The following GAS2 variants were observed in gnomAD, a reference collection of about 807,000 sequenced individuals.
GAS2 encodes the protein growth arrest specific 2.
A neutral mutation model predicts 37.5 loss-of-function variants in GAS2; 20 were observed. That is an observed-to-expected ratio of 0.53 (90% CI 0.37 to 0.77). GAS2 has a LOEUF of 0.77. GAS2 is among the 30% of genes least tolerant of loss of function. The pLI is 0.00. For missense variants in GAS2, 336 were observed against 373.4 expected, an observed-to-expected ratio of 0.90 and a Z score of 0.82; for synonymous variants, 144 against 132.2, an observed-to-expected ratio of 1.09 and a Z score of -0.61.
chr11:22,800,952 A>T (rs1352895678), intron 7 of GAS2, among the ~76,000 whole-genome samples: 2 of 151,632 alleles, frequency 1.3e-5, no homozygotes, highest in Non-Finnish European at 2.9e-5. Context: ...ATAAATGCAT[A>T]TTTTTTTCTG....
In GAS2 at chr11:22,812,427, GCTTT is replaced by G. The variant is rs1383812832; in HGVS notation, c.*412_*415del. Reference sequence around the variant, plus strand: ...ATTTTTATAATTGCAAGATTTTTATGCTTTTTTTTTTTTTTTTTTACAAAATGAT... The same window carrying G: ...ATTTTTATAATTGCAAGATTTTTATGTTTTTTTTTTTTTTTACAAAATGAT... On this transcript the variant is annotated 3_prime_UTR_variant, in exon 8 of 8. Coordinates refer to ENST00000454584, the MANE Select transcript of GAS2 (RefSeq NM_001143830.3). 829 of 46,358 alleles carry G rather than the reference GCTTT, an allele frequency of 0.018. 12 individuals are homozygous for G. The highest frequency in any genetic ancestry group is 0.059 in the African/African-American group (776 of 13,172). 2.9% of individuals were successfully genotyped at this position (46,358 alleles called of 1,614,324 possible). A position where few individuals can be genotyped will look rare whatever the true frequency, so the allele number is the denominator to read the frequency against.
intron 5 of GAS2, among the ~76,000 whole-genome samples, chr11:22,739,732 C>T (rs1852970383): frequency 6.6e-6 from 1 of 151,630 alleles, no homozygotes; most frequent in Admixed American, 6.6e-5. Context: ...AGAGAACAGA[C>T]AAAAAACTTT....
intron 3 of GAS2, among the ~76,000 whole-genome samples, chr11:22,695,345 T>C (rs1446395365): frequency 6.6e-6 from 1 of 151,996 alleles, no homozygotes; most frequent in Non-Finnish European, 1.5e-5. Flanking sequence ...AGACTCTTTA[T>C]TCTGTGGCTA....
chr11:22,795,819 A>T (rs1367962988), intron 7 of GAS2, among the ~76,000 whole-genome samples: 1 of 150,636 alleles, frequency 6.6e-6, no homozygotes, highest in Non-Finnish European at 1.5e-5. Flanking sequence ...TTGAGAAAAC[A>T]CTGGGTGGCA....
chr11:22,652,685 C>T (rs1457833814), intron 1 of GAS2, among the ~76,000 whole-genome samples: 1 of 152,210 alleles, frequency 6.6e-6, no homozygotes, highest in Non-Finnish European at 1.5e-5. Context: ...CCCGATTTTC[C>T]AGGTGCCGTC....
intron 5 of GAS2, among the ~76,000 whole-genome samples, chr11:22,740,583 T>C (rs1484136818): frequency 6.6e-6 from 1 of 152,192 alleles, no homozygotes; most frequent in Non-Finnish European, 1.5e-5. Context: ...ATGTCTTAAG[T>C]TTCTCTCTGG....
intron 3 of GAS2, among the ~76,000 whole-genome samples, chr11:22,707,094 T>A (rs1424681201): frequency 1.3e-5 from 2 of 152,328 alleles, no homozygotes; most frequent in East Asian, 3.9e-4. Flanking sequence ...TTGAGATATA[T>A]TGAGACCAGG....
chr11:22,730,008 A>G (rs1232879656), intron 4 of GAS2, among the ~76,000 whole-genome samples: 1 of 151,794 alleles, frequency 6.6e-6, no homozygotes, highest in Non-Finnish European at 1.5e-5. Context: ...CTACTGAAAC[A>G]TTAAAAAAAT....
chr11:22,702,503 C>T (rs996154157), intron 3 of GAS2: 7 of 152,120 alleles, frequency 4.6e-5, no homozygotes, highest in African/African-American at 1.2e-4. Context: ...CATGGAAAAC[C>T]TTTGTAAAAA....
At chr11:22,649,542 G>C (rs961011329) in intron 1 of GAS2, among the ~76,000 whole-genome samples, 19 of 152,138 alleles carry the variant, frequency 1.2e-4, no homozygotes, top group Admixed American at 3.3e-4. Flanking sequence ...GAATCCATCT[G>C]GTCCTGGACT....
intron 5 of GAS2, among the ~76,000 whole-genome samples, chr11:22,744,108 A>G (rs899767794): frequency 8.5e-5 from 13 of 152,158 alleles, no homozygotes; most frequent in Non-Finnish European, 1.5e-4. Context: ...GAAACCCTGA[A>G]CAGACCAATA....
At position 22,682,140 on chromosome 11, in the gene GAS2, C is replaced by G. The variant is rs577695543; in HGVS notation, c.146-3528C>G. ...GCTATAAAATATACAGAATTGAAAGCTGACACCTAATATATTTTTCATTAG... is the reference window on the plus strand; with the variant it reads ...GCTATAAAATATACAGAATTGAAAGGTGACACCTAATATATTTTTCATTAG... On this transcript the variant is annotated intron_variant, in intron 2 of 7. Transcript: ENST00000454584. 1.3e-3 allele frequency among the ~76,000 whole-genome samples: 193 copies of G among 152,008 alleles called. 1 individual carries two copies. Among genetic ancestry groups the G allele is most frequent in the South Asian group, 1.5e-3 (7 of 4,826 alleles).
intron 7 of GAS2, among the ~76,000 whole-genome samples, chr11:22,789,457 C>CTTCTTT (rs1856024637): frequency 3.2e-5 from 1 of 31,410 alleles, no homozygotes; most frequent in Non-Finnish European, 5.7e-5. Context: ...TATATATATT[C>CTTCTTT]TTTTTTTTTT....
intron 1 of GAS2, among the ~76,000 whole-genome samples, chr11:22,630,627 A>T (rs1228384388): frequency 6.6e-6 from 1 of 152,142 alleles, no homozygotes; most frequent in Non-Finnish European, 1.5e-5. Flanking sequence ...TTGCCAATTT[A>T]TGTTTTTGTA....
chr11:22,811,344 T>C (rs919228782), intron 7 of GAS2, among the ~76,000 whole-genome samples: 1 of 152,174 alleles, frequency 6.6e-6, no homozygotes, highest in African/African-American at 2.4e-5. Context: ...TATTTTGTAT[T>C]GAGTATTTGT....
chr11:22,681,196 T>A (rs1382597335), intron 2 of GAS2, among the ~76,000 whole-genome samples: 1 of 152,202 alleles, frequency 6.6e-6, no homozygotes, highest in Non-Finnish European at 1.5e-5. Flanking sequence ...ACTTATAGGC[T>A]GATATGTAAA....
Position 22,809,654 on chromosome 11 carries a change from A to AT in GAS2, c.724-2126dup, listed in dbSNP as rs34667252. On this transcript the variant is annotated intron_variant, in intron 7 of 7. Transcript: ENST00000454584. ...AGGCGCCTGCCACCATGCCCAGCTA[A>AT]TTTTTTTTTTTTTTTTTTCAGTAGA... Among the ~76,000 whole-genome samples the AT allele has an allele frequency of 5.5e-3, 721 of 131,902 alleles. 11 individuals carry two copies. Among genetic ancestry groups the AT allele is most frequent in the African/African-American group, 0.013 (461 of 35,626 alleles). The allele number at this position is 131,902 out of a possible 152,430, so 86.5% of individuals were successfully genotyped here.
intron 3 of GAS2, among the ~76,000 whole-genome samples, chr11:22,705,203 G>A (rs1018334888): frequency 2.6e-5 from 4 of 151,998 alleles, no homozygotes; most frequent in African/African-American, 4.8e-5. Context: ...TCCCTTACCC[G>A]ACTTTGTTGC....
chr11:22,749,193 T>G lies in GAS2; in HGVS notation c.547T>G (p.Ser183Ala). 1 of 1,612,618 alleles carries G rather than the reference T, an allele frequency of 6.2e-7. No individual in the cohort carries two copies. The highest frequency in any genetic ancestry group is 8.5e-7 in the Non-Finnish European group (1 of 1,179,138). Residue 183 changes from serine (S) to alanine (A), a missense_variant, in exon 6 of 8, where the codon TCT becomes GCT. Coordinates refer to ENST00000454584, the MANE Select transcript of GAS2 (RefSeq NM_001143830.3). ...ACAAGAAGAAACACTTTCTGCCCCT[T>G]CTCCTTCACCTTCTCCTTCATCAAA... ...IEQEETLSAP[S>A]PSPSPSSKSS...
Sources: allele counts gnomAD v4.1 joint callset (sites outside exome capture counted in the v4.1 genomes callset), GRCh38; gene constraint gnomAD v4.1.1; transcripts MANE v1.5; gene names NCBI Gene and HGNC (gene_info 2026-07-23, HGNC 2026-07-21).